Variants in MKLN1 observed in about 807,000 individuals in gnomAD.
MKLN1 encodes muskelin.
MKLN1 carries 18 observed loss-of-function variants against 99.0 expected under a neutral mutation model. The ratio of observed to expected loss-of-function variants is 0.18; its 90% CI spans 0.13 to 0.27. The LOEUF (loss-of-function observed/expected upper bound fraction) is 0.27. MKLN1 is among the 10% of genes least tolerant of loss of function. The pLI, the probability that MKLN1 is intolerant of heterozygous loss-of-function variation, is 1.00. For synonymous variants in MKLN1, 288 were observed against 293.2 expected (o/e 0.98, Z 0.18); for missense variants, 621 against 875.9 (o/e 0.71, Z 3.67).
At chr7:131,319,904 C>T (rs970055372) in intron 3 of MKLN1, among the ~76,000 whole-genome samples, 1 of 152,138 alleles carries the variant, frequency 6.6e-6, no homozygotes, top group Non-Finnish European at 1.5e-5. Flanking sequence ...AGGAGAACTA[C>T]AAACCACTGC....
chr7:131,379,241 C>G (rs116517736), intron 2 of MKLN1, among the ~76,000 whole-genome samples: 33 of 152,214 alleles, frequency 2.2e-4, no homozygotes, highest in African/African-American at 7.5e-4. Flanking sequence ...CTCCACAAAT[C>G]ATTATTAGAG....
chr7:131,293,596 G>C lies in MKLN1; in HGVS notation c.-178-81828G>C, dbSNP rs897650710. ...GACTGAGGTGGAAGGATCACCTGAGGCCAGGAATTCCAGACCAGCCTGGGC... is the reference window on the plus strand; with the variant it reads ...GACTGAGGTGGAAGGATCACCTGAGCCCAGGAATTCCAGACCAGCCTGGGC... On this transcript the variant is annotated intron_variant, in intron 3 of 7. Coordinates refer to the MKLN1 transcript ENST00000416992. Among the ~76,000 whole-genome samples the C allele has an allele frequency of 3.3e-5, 5 of 152,100 alleles. 1 individual carries two copies. The highest frequency in any genetic ancestry group is 7.4e-5 in the Non-Finnish European group (5 of 68,020).
chr7:131,302,928 C>T (rs1798396737), intron 3 of MKLN1, among the ~76,000 whole-genome samples: 1 of 152,104 alleles, frequency 6.6e-6, no homozygotes, highest in Non-Finnish European at 1.5e-5. Flanking sequence ...GCCAGGTCTA[C>T]AATCTGTATC....
In MKLN1 at chr7:131,156,389, G is replaced by A. The variant is rs186195584; in HGVS notation, c.-297+13448G>A. Among the ~76,000 whole-genome samples the A allele has an allele frequency of 5.4e-5, 8 of 147,846 alleles. No homozygotes were observed. The East Asian group carries it at 5.9e-4, about 11-fold the overall frequency. On this transcript the variant is annotated intron_variant, in intron 2 of 7. Coordinates refer to the MKLN1 transcript ENST00000416992. ...AAAAAATACAAAAAATTAGCCGGGC[G>A]TGGAGGCGAGATCGCGCCACTGCAC...
rs925274472 is a variant in MKLN1, at chr7:131,492,794, G to A, written c.*5066G>A. 1 of 151,168 alleles carries A rather than the reference G, an allele frequency of 6.6e-6. No homozygotes were observed. Among genetic ancestry groups the A allele is most frequent in the Admixed American group, 6.6e-5 (1 of 15,142 alleles). The allele number at this position is 151,168 out of a possible 1,614,324, so 9.4% of individuals were successfully genotyped here. A position where few individuals can be genotyped will look rare whatever the true frequency, so the allele number is the denominator to read the frequency against. ...TCCAATTCCAAATGACTAACTCTTAGGCCAGTCATAGCCAATGAAATCATC... is the reference window on the plus strand; with the variant it reads ...TCCAATTCCAAATGACTAACTCTTAAGCCAGTCATAGCCAATGAAATCATC... On this transcript the variant is annotated 3_prime_UTR_variant, in exon 18 of 18. Coordinates refer to ENST00000352689, the MANE Select transcript of MKLN1 (RefSeq NM_013255.5).
At chr7:131,219,489 C>T (rs1007928867) in intron 3 of MKLN1, among the ~76,000 whole-genome samples, 10 of 152,130 alleles carry the variant, frequency 6.6e-5, no homozygotes, top group Non-Finnish European at 1.5e-4. Flanking sequence ...GTCACACCAA[C>T]TATTCTTTAC....
At chr7:131,145,557 A>C (rs960441254) in intron 2 of MKLN1, among the ~76,000 whole-genome samples, 2 of 152,230 alleles carry the variant, frequency 1.3e-5, no homozygotes, top group Non-Finnish European at 2.9e-5. Context: ...TTATATGGGA[A>C]AAATAAAAAT....
At chr7:131,227,538 T>TTTCTTTCTTTCC (rs1797174987) in intron 3 of MKLN1, among the ~76,000 whole-genome samples, 1 of 147,362 alleles carries the variant, frequency 6.8e-6, no homozygotes, top group African/African-American at 2.5e-5. Flanking sequence ...TCTTTCTTTC[T>TTTCTTTCTTTCC]CTCTTTCTTT....
intron 9 of MKLN1, among the ~76,000 whole-genome samples, chr7:131,436,427 C>T (rs1795678094): frequency 1.3e-5 from 2 of 152,298 alleles, no homozygotes; most frequent in Admixed American, 6.5e-5. Context: ...CTCTTCATCT[C>T]AGTCATAACT....
intron 3 of MKLN1, among the ~76,000 whole-genome samples, chr7:131,317,687 G>A (rs756121595): frequency 4.0e-5 from 6 of 148,704 alleles, no homozygotes; most frequent in Middle Eastern, 3.3e-3. Context: ...AGACCCATCA[G>A]TGTGCTGTAT....
intron 1 of MKLN1, among the ~76,000 whole-genome samples, chr7:131,337,032 A>AT (rs1231752086): frequency 6.6e-6 from 1 of 152,176 alleles, no homozygotes; most frequent in Non-Finnish European, 1.5e-5. Flanking sequence ...CACTTTAAAG[A>AT]TCTCAGTTCA....
Position 131,445,873 on chromosome 7 carries a change from T to G in MKLN1, c.1495T>G (p.Ser499Ala). 1 of 1,604,412 alleles carries G rather than the reference T, an allele frequency of 6.2e-7. No homozygotes were observed. The highest frequency in any genetic ancestry group is 1.3e-5 in the African/African-American group (1 of 74,842). ...DVDSDHVDII[S>A]DGTKKDSGMV... ...GGACTCTGATCATGTAGACATAATATCAGATGGCACCAAGAAAGACTCTGG... is the reference window on the plus strand; with the variant it reads ...GGACTCTGATCATGTAGACATAATAGCAGATGGCACCAAGAAAGACTCTGG... Residue 499 changes from serine (S) to alanine (A), a missense_variant, in exon 12 of 18, where the codon TCA becomes GCA. Ser to Ala is a moderately conservative substitution (Grantham distance 99). Around this residue, in one of 8 missense-constraint regions of MKLN1, gnomAD observed 361 missense variants for 540.8 expected, o/e 0.67. Coordinates refer to ENST00000352689, the MANE Select transcript of MKLN1 (RefSeq NM_013255.5).
At chr7:131,298,219 C>T (rs1260101698) in intron 3 of MKLN1, among the ~76,000 whole-genome samples, 1 of 151,448 alleles carries the variant, frequency 6.6e-6, no homozygotes, top group East Asian at 1.9e-4. Context: ...TGCAGTGAGC[C>T]GAGATGACGC....
At chr7:131,467,324 G>A (rs1562881162) in intron 15 of MKLN1, among the ~76,000 whole-genome samples, 1 of 152,086 alleles carries the variant, frequency 6.6e-6, no homozygotes, top group Non-Finnish European at 1.5e-5. Context: ...TCTTAAGAAG[G>A]GAGACTAACA....
rs888945461 is a variant in MKLN1, at chr7:131,369,741, A to T, written c.99-5683A>T. Among the ~76,000 whole-genome samples the T allele has an allele frequency of 2.6e-5, 4 of 152,312 alleles. No homozygotes were observed. In the East Asian group the frequency reaches 7.7e-4, roughly 29 times the overall value. On this transcript the variant is annotated intron_variant, in intron 1 of 17. Coordinates refer to ENST00000352689, the MANE Select transcript of MKLN1 (RefSeq NM_013255.5). Reference sequence around the variant, plus strand: ...ATAGTTACTTTTTGTTTTACAGATTATGTGTTTCTTGGCAAAAAGATACAT... The same window carrying T: ...ATAGTTACTTTTTGTTTTACAGATTTTGTGTTTCTTGGCAAAAAGATACAT...
chr7:131,207,944 T>C (rs1796844055), intron 3 of MKLN1, among the ~76,000 whole-genome samples: 1 of 152,234 alleles, frequency 6.6e-6, no homozygotes, highest in Non-Finnish European at 1.5e-5. Flanking sequence ...AGAGGCTAAA[T>C]ATTTCTCACT....
At chr7:131,169,530 G>C (rs927007822) in intron 2 of MKLN1, among the ~76,000 whole-genome samples, 2 of 152,116 alleles carry the variant, frequency 1.3e-5, no homozygotes, top group Non-Finnish European at 2.9e-5. Flanking sequence ...TATCTGCTTT[G>C]ATTAATGGCC....
intron 1 of MKLN1, among the ~76,000 whole-genome samples, chr7:131,124,528 G>A (rs897131331): frequency 4.6e-5 from 7 of 152,156 alleles, no homozygotes; most frequent in Admixed American, 1.3e-4. Context: ...GCTCAGACTG[G>A]AGAAAGTCAC....
intron 3 of MKLN1, among the ~76,000 whole-genome samples, chr7:131,233,921 A>G (rs1475802119): frequency 1.3e-5 from 2 of 152,166 alleles, no homozygotes; most frequent in African/African-American, 4.8e-5. Flanking sequence ...CAGAAAGGGT[A>G]TAGGAAGAAG....
Sources: gnomAD v4.1 joint callset for allele counts (sites outside exome capture counted in the v4.1 genomes callset) on GRCh38, gnomAD v4.1.1 for gene constraint, gnomAD v4.1.1 regional missense constraint, MANE v1.5 for transcripts, NCBI Gene and HGNC (gene_info 2026-07-23, HGNC 2026-07-21) for gene names.